The following CASZ1 variants were observed in gnomAD, a reference collection of about 807,000 sequenced individuals.
CASZ1 encodes the protein castor zinc finger 1, also known as zinc finger protein castor homolog 1.
A neutral mutation model predicts 135.2 loss-of-function variants in CASZ1; 28 were observed. The ratio of observed to expected loss-of-function variants is 0.21; its 90% CI spans 0.15 to 0.28. CASZ1 has a LOEUF of 0.28. Ranked by LOEUF, CASZ1 falls within the 10% of genes least tolerant of loss-of-function variation. The pLI is 1.00. For missense variants in CASZ1, 2,161 were observed against 2,453.3 expected (o/e 0.88, Z 2.52); for synonymous variants, 1,068 against 1,073.4 (o/e 0.99, Z 0.10).
rs1643558127 is a variant in CASZ1 at position 10,676,084 on chromosome 1, C to T, written c.17-10513G>A. Among the ~76,000 whole-genome samples, 1 of 152,138 alleles carries T rather than the reference C, an allele frequency of 6.6e-6. No individual in the cohort carries two copies. The highest frequency in any genetic ancestry group is 1.5e-5 in the Non-Finnish European group (1 of 68,008). On this transcript the variant is annotated intron_variant, in intron 4 of 20. Coordinates refer to ENST00000377022, the MANE Select transcript of CASZ1 (RefSeq NM_001079843.3). The surrounding 1 kb of genome is among the most constrained non-coding windows in gnomAD (Gnocchi z 4.5). ...CCAGGGAGGGGCCCCAGGAAGAGGG[C>T]GGGGCTCCCCCTGGACCTAGGCCTG... is the stretch of plus-strand genomic sequence containing the variant.
At chr1:10,743,055 G>A (rs1308134815) in intron 2 of CASZ1, among the ~76,000 whole-genome samples, 8 of 152,052 alleles carry the variant, frequency 5.3e-5, no homozygotes, top group Admixed American at 5.3e-4. Flanking sequence ...GCAGCCCCCT[G>A]AAAGCAGTAC....
intron 1 of CASZ1, among the ~76,000 whole-genome samples, chr1:10,784,256 C>T (rs939101555): frequency 2.6e-5 from 4 of 152,186 alleles, no homozygotes; most frequent in Non-Finnish European, 4.4e-5. Flanking sequence ...TGCCCCCGCC[C>T]TCCATCTCTA....
intron 2 of CASZ1, among the ~76,000 whole-genome samples, chr1:10,708,402 G>A (rs1322104252): frequency 6.6e-6 from 1 of 152,220 alleles, no homozygotes; most frequent in Non-Finnish European, 1.5e-5. Flanking sequence ...CTTAATCTCT[G>A]AAGACACCAG....
chr1:10,738,409 C>T (rs1639842668), intron 2 of CASZ1, among the ~76,000 whole-genome samples: 1 of 152,246 alleles, frequency 6.6e-6, no homozygotes, highest in South Asian at 2.1e-4. Context: ...CAGTGGCTGG[C>T]AGGACGGGTG....
intron 20 of CASZ1, chr1:10,642,141 G>A (rs564891123): frequency 6.9e-6 from 1 of 145,382 alleles, no homozygotes; most frequent in African/African-American, 2.5e-5. Flanking sequence ...CTCCGAGAGT[G>A]GCACTGAGCA....
At chr1:10,782,251 A>C (rs1640775812) in intron 1 of CASZ1, among the ~76,000 whole-genome samples, 2 of 152,212 alleles carry the variant, frequency 1.3e-5, no homozygotes, top group Non-Finnish European at 2.9e-5. Flanking sequence ...GTCTAGGGAC[A>C]CGGGGCCATT....
chr1:10,693,584 C>CA (rs1638834668), intron 4 of CASZ1, among the ~76,000 whole-genome samples: 1 of 147,156 alleles, frequency 6.8e-6, no homozygotes, highest in Non-Finnish European at 1.5e-5. Context: ...AAAAACCCCA[C>CA]AAAAACCCCC....
In CASZ1 at chr1:10,739,223, C is replaced by T. The variant is rs1362222153; in HGVS notation, c.-77+21478G>A. On this transcript the variant is annotated intron_variant, in intron 2 of 20. Transcript: ENST00000377022. This position sits in a 1 kb window ranked among gnomAD's most constrained non-coding sequence, Gnocchi z 4.8. The stretch of plus-strand genomic sequence containing the variant: ...GGCGTACAGCGTGCGGTGCAACCTG[C>T]AGCTGCGGGACGGGTGCATTCACGA... Among the ~76,000 whole-genome samples, 1 of 152,152 alleles carries T rather than the reference C, an allele frequency of 6.6e-6. No individual in the cohort carries two copies. Among genetic ancestry groups the T allele is most frequent in the Non-Finnish European group, 1.5e-5 (1 of 68,026 alleles).
At chr1:10,738,702 C>T (rs749729251) in intron 2 of CASZ1, among the ~76,000 whole-genome samples, 9 of 152,204 alleles carry the variant, frequency 5.9e-5, no homozygotes, top group Non-Finnish European at 1.3e-4. Context: ...AAAGATCAAG[C>T]GTAAACCCCA....
Position 10,654,508 on chromosome 1 carries a change from G to A in CASZ1, c.1749C>T (p.Asn583=), listed in dbSNP as rs752981619. ...NFHKKNTQLI[N]DGFQRFRATE... ...TGGCTCGGAAGCGCTGGAAGCCGTC[G>A]TTAATGAGCTGGGTATTCTTCTTGT... Residue 583 remains asparagine (N), a synonymous_variant, in exon 10 of 21, where the codon AAC becomes AAT. Coordinates refer to ENST00000377022, the MANE Select transcript of CASZ1 (RefSeq NM_001079843.3). 18 of 1,614,136 alleles carry A rather than the reference G, an allele frequency of 1.1e-5. No individual in the cohort carries two copies. Among genetic ancestry groups the A allele is most frequent in the African/African-American group, 4.0e-5 (3 of 74,958 alleles).
rs992860334 is a variant in CASZ1 at position 10,666,740 on chromosome 1, C to A, written c.17-1169G>T. 7.9e-5 allele frequency among the ~76,000 whole-genome samples: 12 copies of A among 152,240 alleles called. No homozygotes were observed. The highest frequency in any genetic ancestry group is 2.9e-4 in the African/African-American group (12 of 41,456). ...CCTGGGGGGGCATACGGCAAGCCCA[C>A]CCACCACACAGCCTGGGACCTGCCA... is the stretch of plus-strand genomic sequence containing the variant. On this transcript the variant is annotated intron_variant, in intron 4 of 20. Coordinates refer to ENST00000377022, the MANE Select transcript of CASZ1 (RefSeq NM_001079843.3). This position sits in a 1 kb window ranked among gnomAD's most constrained non-coding sequence, Gnocchi z 5.2.
intron 4 of CASZ1, among the ~76,000 whole-genome samples, chr1:10,683,111 A>G (rs931178668): frequency 6.6e-6 from 1 of 152,210 alleles, no homozygotes; most frequent in Non-Finnish European, 1.5e-5. Flanking sequence ...CCATCCTTCC[A>G]GTTACAATCG....
chr1:10,787,253 T>G (rs1049484340), intron 1 of CASZ1, among the ~76,000 whole-genome samples: 2 of 152,182 alleles, frequency 1.3e-5, no homozygotes, highest in African/African-American at 4.8e-5. Flanking sequence ...CCCAGATGCA[T>G]AGCCCATCAG....
chr1:10,756,399 C>T lies in CASZ1; in HGVS notation c.-77+4302G>A, dbSNP rs2100566969. Among the ~76,000 whole-genome samples, 1 of 152,334 alleles carries T rather than the reference C, an allele frequency of 6.6e-6. No homozygotes were observed. ...GAGTGTTCCTGGAAGGCTGGGCTGG[C>T]CCATATGGCTGGGAATACGTTGCCA... On this transcript the variant is annotated intron_variant, in intron 2 of 20. Coordinates refer to ENST00000377022, the MANE Select transcript of CASZ1 (RefSeq NM_001079843.3). This position sits in a 1 kb window ranked among gnomAD's most constrained non-coding sequence, Gnocchi z 5.9.
At chr1:10,754,571 C>T (rs1385985820) in intron 2 of CASZ1, among the ~76,000 whole-genome samples, 1 of 152,186 alleles carries the variant, frequency 6.6e-6, no homozygotes, top group African/African-American at 2.4e-5. Flanking sequence ...CCCCCTAAAC[C>T]AGGTGCTCCT....
chr1:10,655,990 G>A (rs1642777051), intron 8 of CASZ1, among the ~76,000 whole-genome samples, 177 bp from the exon 9 acceptor site: 1 of 152,230 alleles, frequency 6.6e-6, no homozygotes, highest in Non-Finnish European at 1.5e-5. Flanking sequence ...AGCCCTTGGA[G>A]GGAACCATCC....
rs1642562716 is a variant in CASZ1, at chr1:10,651,057, G to A, written c.2700C>T (p.Thr900=). 6.5e-7 allele frequency: 1 copy of A among 1,538,154 alleles called. No homozygotes were observed. The highest frequency in any genetic ancestry group is 1.4e-5 in the African/African-American group (1 of 71,446). The change falls in exon 12 of 21, where the codon ACC becomes ACT. Residue 900 remains threonine (T), a synonymous_variant. Transcript: ENST00000377022. ...CTTGGGCCGGGGGGAACCTGGCTGG[G>A]GTGACCTGCTGCCCGCTTCCTGCAG... The part of the protein sequence containing the change: ...TFDPGSGQQV[T]PARFPPAQVK...
Position 10,721,653 on chromosome 1 carries a change from C to T in CASZ1, c.-76-16109G>A, listed in dbSNP as rs746659900. ...GGGGGCTGGACGAGGGTGGAGGGTACGCCAGTGACCTCCCCTCCTAAGCTG... is the reference window on the plus strand; with the variant it reads ...GGGGGCTGGACGAGGGTGGAGGGTATGCCAGTGACCTCCCCTCCTAAGCTG... On this transcript the variant is annotated intron_variant, in intron 2 of 20. Transcript: ENST00000377022. This position sits in a 1 kb window ranked among gnomAD's most constrained non-coding sequence, Gnocchi z 5.4. 9.2e-5 allele frequency among the ~76,000 whole-genome samples: 14 copies of T among 152,158 alleles called. No individual in the cohort carries two copies. Among genetic ancestry groups the T allele is most frequent in the South Asian group, 2.1e-4 (1 of 4,822 alleles).
chr1:10,761,079 T>C (rs1640363860), intron 1 of CASZ1, among the ~76,000 whole-genome samples: 1 of 152,230 alleles, frequency 6.6e-6, no homozygotes, highest in African/African-American at 2.4e-5. Context: ...GCACAATTAT[T>C]AGCCAATGGC....
Sources: allele counts gnomAD v4.1 joint callset (sites outside exome capture counted in the v4.1 genomes callset), GRCh38; gene constraint gnomAD v4.1.1; non-coding constraint Gnocchi (gnomAD v3.1); transcripts MANE v1.5; gene names NCBI Gene and HGNC (gene_info 2026-07-23, HGNC 2026-07-21).